The following FAF1 variants were observed in gnomAD, a reference collection of about 807,000 sequenced individuals.
FAF1 encodes the protein Fas associated factor 1.
A neutral mutation model predicts 92.5 loss-of-function variants in FAF1; 25 were observed. The ratio of observed to expected loss-of-function variants is 0.27; its 90% CI spans 0.20 to 0.38. The LOEUF (loss-of-function observed/expected upper bound fraction) is 0.38, where lower values mean the gene tolerates loss of function less well. Among genes scored for constraint, FAF1 ranks in the 10% least tolerant of loss-of-function variants. The pLI, the probability that FAF1 is intolerant of heterozygous loss-of-function variation, is 1.00. For missense variants in FAF1, 636 were observed against 793.3 expected (o/e 0.80, Z 2.38); for synonymous variants, 234 against 273.2 (o/e 0.86, Z 1.42).
chr1:50,640,055 T>C (rs1162828333), intron 8 of FAF1, among the ~76,000 whole-genome samples: 1 of 152,148 alleles, frequency 6.6e-6, no homozygotes, highest in Non-Finnish European at 1.5e-5. Context: ...TTTTATTTAC[T>C]GTGAAATTCA....
intron 2 of FAF1, among the ~76,000 whole-genome samples, chr1:50,820,677 AT>A (rs1388351260): frequency 6.6e-6 from 1 of 152,194 alleles, no homozygotes; most frequent in African/African-American, 2.4e-5. Context: ...GGTAACCACC[AT>A]TCTAACCTCT....
chr1:50,865,349 A>G (rs1329960525), intron 1 of FAF1, among the ~76,000 whole-genome samples: 1 of 151,096 alleles, frequency 6.6e-6, no homozygotes, highest in Non-Finnish European at 1.5e-5. Flanking sequence ...TATATACCCA[A>G]AGGACTATAA....
At chr1:50,910,471 C>G (rs1644875607) in intron 1 of FAF1, among the ~76,000 whole-genome samples, 2 of 152,192 alleles carry the variant, frequency 1.3e-5, no homozygotes, top group Admixed American at 6.5e-5. Flanking sequence ...TCAACTGTGC[C>G]CTGCCCCTAG....
chr1:50,501,609 C>T (rs1314125446), intron 15 of FAF1, among the ~76,000 whole-genome samples: 3 of 150,046 alleles, frequency 2.0e-5, no homozygotes, highest in Admixed American at 6.7e-5. Context: ...TGCAGTGAGC[C>T]GAGATTGCAC....
At chr1:50,614,839 CAAAAAAAAAAA>C (rs1295301237) in intron 8 of FAF1, among the ~76,000 whole-genome samples, 3 of 46,840 alleles carry the variant, frequency 6.4e-5, no homozygotes, top group East Asian at 1.3e-3. Context: ...AACTCCGTCT[CAAAAAAAAAAA>C]AAAAAAAAAG....
intron 6 of FAF1, among the ~76,000 whole-genome samples, chr1:50,709,413 C>A (rs1030049844): frequency 6.6e-6 from 1 of 152,190 alleles, no homozygotes; most frequent in Non-Finnish European, 1.5e-5. Flanking sequence ...TGGAAAGTAG[C>A]ACACTAGAAG....
chr1:50,552,866 T>C (rs1649376378), intron 13 of FAF1, among the ~76,000 whole-genome samples: 1 of 152,182 alleles, frequency 6.6e-6, no homozygotes, highest in South Asian at 2.1e-4. Context: ...CAAATCCCAG[T>C]AGGCTTGCCC....
chr1:50,887,260 T>C (rs1453761608), intron 1 of FAF1, among the ~76,000 whole-genome samples: 2 of 152,218 alleles, frequency 1.3e-5, no homozygotes, highest in Non-Finnish European at 2.9e-5. Context: ...GAGTTCTTTG[T>C]AGGTTCTGGA....
At chr1:50,811,969 C>G (rs149679418) in intron 2 of FAF1, among the ~76,000 whole-genome samples, 3 of 152,248 alleles carry the variant, frequency 2.0e-5, no homozygotes, top group African/African-American at 7.2e-5. Context: ...GGGGAAAGGA[C>G]TCCCTGTTCA....
chr1:50,908,236 AC>A (rs1383210931), intron 1 of FAF1, among the ~76,000 whole-genome samples: 5 of 152,100 alleles, frequency 3.3e-5, no homozygotes, highest in African/African-American at 7.2e-5. Flanking sequence ...GGTCTGAGAG[AC>A]AGTTTGTTAT....
intron 1 of FAF1, among the ~76,000 whole-genome samples, chr1:50,932,849 C>A (rs1213920386): frequency 6.6e-6 from 1 of 152,234 alleles, no homozygotes. Context: ...CTTCTGAAAT[C>A]GAGGCAGAAG....
In FAF1 at chr1:50,788,145, T is replaced by C. The variant is rs1184697043; in HGVS notation, c.222A>G (p.Ser74=). Residue 74 remains serine (S), a synonymous_variant, in exon 4 of 19, where the codon TCA becomes TCG. Coordinates refer to ENST00000396153, the MANE Select transcript of FAF1 (RefSeq NM_007051.3). ...CTGAAGAAGAAGAGGAAGTAGGAGC[T>C]GAAGCTGGATGACTTGCTGGATTAA... ...PAFNPASHPA[S]APTSSSSSAF... 9 of 1,614,154 alleles carry C rather than the reference T, an allele frequency of 5.6e-6. No individual in the cohort carries two copies. The East Asian group carries it at 1.6e-4, about 28-fold the overall frequency.
intron 4 of FAF1, among the ~76,000 whole-genome samples, chr1:50,762,268 T>C (rs1362882738): frequency 2.6e-5 from 4 of 152,106 alleles, no homozygotes; most frequent in African/African-American, 9.7e-5. Context: ...TACTGCCCAA[T>C]ATAATTTATA....
intron 6 of FAF1, among the ~76,000 whole-genome samples, chr1:50,718,955 G>C (rs1211051958): frequency 6.6e-6 from 1 of 152,042 alleles, no homozygotes; most frequent in African/African-American, 2.4e-5. Context: ...ATAATTATGG[G>C]TTATTTACAC....
chr1:50,448,238 T>C (rs1646252115), intron 18 of FAF1, among the ~76,000 whole-genome samples: 2 of 152,142 alleles, frequency 1.3e-5, no homozygotes, highest in Admixed American at 6.5e-5. Flanking sequence ...TCTATGTGGT[T>C]TGAGTTCCCC....
At chr1:50,892,355 A>C (rs1031548543) in intron 1 of FAF1, among the ~76,000 whole-genome samples, 11 of 152,144 alleles carry the variant, frequency 7.2e-5, no homozygotes, top group Admixed American at 6.5e-5. Flanking sequence ...GGTGCGCTGC[A>C]CCCACTGTCC....
At chr1:50,914,565 G>A (rs1048709589) in intron 1 of FAF1, among the ~76,000 whole-genome samples, 2 of 152,132 alleles carry the variant, frequency 1.3e-5, no homozygotes, top group African/African-American at 2.4e-5. Context: ...TTATGCTTAG[G>A]CTACTGAAAA....
At chr1:50,498,167 G>A (rs1370545171) in intron 15 of FAF1, among the ~76,000 whole-genome samples, 1 of 152,012 alleles carries the variant, frequency 6.6e-6, no homozygotes, top group Non-Finnish European at 1.5e-5. Flanking sequence ...GGAAAGAACA[G>A]TCTCCTCAAC....
chr1:50,791,276 C>A (rs75242859), intron 3 of FAF1, among the ~76,000 whole-genome samples: 4,676 of 152,296 alleles, frequency 0.031, 252 homozygotes, highest in African/African-American at 0.11. Flanking sequence ...TAAAGCTTGT[C>A]ATAACTTCTC....
Sources: gnomAD v4.1 joint callset for allele counts (sites outside exome capture counted in the v4.1 genomes callset) on GRCh38, gnomAD v4.1.1 for gene constraint, MANE v1.5 for transcripts, NCBI Gene and HGNC (gene_info 2026-07-23, HGNC 2026-07-21) for gene names.